MAN2A1: variants seen among roughly 807,000 people sequenced by gnomAD.
MAN2A1 encodes mannosidase alpha class 2A member 1, also known as alpha-mannosidase 2.
In MAN2A1, 76 loss-of-function variants were observed where a neutral mutation model predicts 142.6. That is an observed-to-expected ratio of 0.53 (90% confidence interval 0.44 to 0.65). MAN2A1 has a LOEUF of 0.65. MAN2A1 is among the 30% of genes least tolerant of loss of function. The pLI is 0.00. For missense variants in MAN2A1, 1,311 were observed against 1,365.1 expected (o/e 0.96, Z 0.62); for synonymous variants, 559 against 473.2 (o/e 1.18, Z -2.35).
At chr5:109,779,201 C>G (rs537774825) in intron 8 of MAN2A1, among the ~76,000 whole-genome samples, 1 of 152,172 alleles carries the variant, frequency 6.6e-6, no homozygotes, top group South Asian at 2.1e-4. Flanking sequence ...TTTGAGAAAG[C>G]CTACTAGGCT....
intron 18 of MAN2A1, 81 bp from the exon 19 acceptor site, chr5:109,847,576 C>A: frequency 8.0e-7 from 1 of 1,246,030 alleles, no homozygotes; most frequent in Non-Finnish European, 1.0e-6. Flanking sequence ...TACATCATGA[C>A]TGCTACTTAA....
chr5:109,843,370 AC>A (rs1561539884), intron 17 of MAN2A1, among the ~76,000 whole-genome samples: 1 of 152,110 alleles, frequency 6.6e-6, no homozygotes, highest in Admixed American at 6.5e-5. Context: ...CATGGGGGGA[AC>A]CACCCCCATG....
chr5:109,732,423 A>G (rs945754287), intron 4 of MAN2A1, among the ~76,000 whole-genome samples: 44 of 152,220 alleles, frequency 2.9e-4, no homozygotes, highest in African/African-American at 1.1e-3. Context: ...TGTTTTAGAC[A>G]TGAAGTCCTT....
At position 109,868,596 on chromosome 5, in the gene MAN2A1, A is replaced by G. The variant is rs1459973040; in HGVS notation, c.*1598A>G. 1 of 152,184 alleles carries G rather than the reference A, an allele frequency of 6.6e-6. No homozygotes were observed. Among genetic ancestry groups the G allele is most frequent in the African/African-American group, 2.4e-5 (1 of 41,458 alleles). 9.4% of individuals were successfully genotyped at this position (152,184 alleles called of 1,614,324 possible). On this transcript the variant is annotated 3_prime_UTR_variant, in exon 22 of 22. Coordinates refer to ENST00000261483, the MANE Select transcript of MAN2A1 (RefSeq NM_002372.4). Reference sequence around the variant, plus strand: ...ATTATCATCTGGATTTTCACTCAAGATGCAGCTCCTAAGATTATTGTTATG... The same window carrying G: ...ATTATCATCTGGATTTTCACTCAAGGTGCAGCTCCTAAGATTATTGTTATG...
intron 16 of MAN2A1, among the ~76,000 whole-genome samples, chr5:109,826,785 A>T (rs1472637386): frequency 6.6e-6 from 1 of 152,204 alleles, no homozygotes; most frequent in South Asian, 2.1e-4. Flanking sequence ...GTCTTCAGGG[A>T]TCTGTTATTT....
intron 1 of MAN2A1, among the ~76,000 whole-genome samples, chr5:109,710,322 T>C (rs145221916): frequency 6.6e-6 from 1 of 152,302 alleles, no homozygotes; most frequent in East Asian, 1.9e-4. Flanking sequence ...AAAGCCATAA[T>C]AAAAATATTC....
chr5:109,818,835 A>T (rs1427528714), intron 13 of MAN2A1, among the ~76,000 whole-genome samples: 1 of 152,146 alleles, frequency 6.6e-6, no homozygotes, highest in Non-Finnish European at 1.5e-5. Context: ...CTCTGGATAA[A>T]CTGAGACATG....
chr5:109,713,900 T>A, intron 2 of MAN2A1, 126 bp downstream of exon 2: 1 of 840,400 alleles, frequency 1.2e-6, no homozygotes, highest in Non-Finnish European at 1.8e-6. Flanking sequence ...TCTCTTTTTG[T>A]AAAGTATTTT....
chr5:109,708,509 G>GACAGACACACAC (rs1751203281), intron 1 of MAN2A1, among the ~76,000 whole-genome samples: 1 of 124,542 alleles, frequency 8.0e-6, no homozygotes, highest in African/African-American at 3.1e-5. Context: ...GAACTGATAG[G>GACAGACACACAC]ACACACACAC....
rs749582666 is a variant in MAN2A1 at position 109,867,041 on chromosome 5, C to G, written c.*43C>G. The stretch of plus-strand genomic sequence containing the variant: ...GGATTGAGAATCATTGGCTTTTATA[C>G]CTTTCTTGGTTTGACGTGCAATAAA... On this transcript the variant is annotated 3_prime_UTR_variant, in exon 22 of 22. Transcript: ENST00000261483. 3.5e-5 allele frequency: 54 copies of G among 1,556,700 alleles called. No individual in the cohort carries two copies. The Admixed American group carries it at 9.6e-4, about 28-fold the overall frequency.
intron 12 of MAN2A1, among the ~76,000 whole-genome samples, chr5:109,798,986 C>A (rs1054844258): frequency 6.6e-6 from 1 of 152,124 alleles, no homozygotes; most frequent in Non-Finnish European, 1.5e-5. Flanking sequence ...GCCATCGCAC[C>A]CAGCCTCATT....
At chr5:109,799,904 A>C (rs985087049) in intron 12 of MAN2A1, among the ~76,000 whole-genome samples, 1 of 152,110 alleles carries the variant, frequency 6.6e-6, no homozygotes, top group Non-Finnish European at 1.5e-5. Flanking sequence ...CCTGGCCAAC[A>C]TGGTGAAACC....
intron 3 of MAN2A1, among the ~76,000 whole-genome samples, chr5:109,717,982 A>G (rs1751501298): frequency 6.6e-6 from 1 of 152,176 alleles, no homozygotes; most frequent in Admixed American, 6.5e-5. Context: ...GCTCCCACTT[A>G]ATGTAGGATC....
chr5:109,694,596 G>T (rs1582793021), intron 1 of MAN2A1, among the ~76,000 whole-genome samples: 1 of 151,234 alleles, frequency 6.6e-6, no homozygotes, highest in East Asian at 1.9e-4. Context: ...CTATTCTCCT[G>T]CCTCAGCCTT....
intron 1 of MAN2A1, among the ~76,000 whole-genome samples, chr5:109,713,287 C>T (rs977717301): frequency 6.6e-6 from 1 of 152,090 alleles, no homozygotes; most frequent in Admixed American, 6.5e-5. Context: ...TGTTGCACGT[C>T]TTAAAATATG....
At chr5:109,797,463 C>A (rs774025489) in intron 12 of MAN2A1, among the ~76,000 whole-genome samples, 2 of 151,812 alleles carry the variant, frequency 1.3e-5, no homozygotes, top group South Asian at 2.1e-4. Flanking sequence ...GTAAAGCTGA[C>A]ACTGAAAGAG....
At chr5:109,782,094 C>G (rs1031448060) in intron 9 of MAN2A1, among the ~76,000 whole-genome samples, 2 of 152,112 alleles carry the variant, frequency 1.3e-5, no homozygotes, top group Non-Finnish European at 2.9e-5. Flanking sequence ...CATCTCAGTT[C>G]TTACATACTT....
chr5:109,745,199 C>A (rs1172016336), intron 4 of MAN2A1, among the ~76,000 whole-genome samples: 2 of 151,958 alleles, frequency 1.3e-5, no homozygotes, highest in African/African-American at 2.4e-5. Flanking sequence ...ACAGTTGTCA[C>A]AATTCATGAG....
At chr5:109,861,093 C>G (rs1755743978) in intron 20 of MAN2A1, among the ~76,000 whole-genome samples, 1 of 152,178 alleles carries the variant, frequency 6.6e-6, no homozygotes, top group Non-Finnish European at 1.5e-5. Flanking sequence ...GAGCATGTCT[C>G]CTTTGCTTTC....
Sources: gnomAD v4.1 joint callset for allele counts (sites outside exome capture counted in the v4.1 genomes callset) on GRCh38, gnomAD v4.1.1 for gene constraint, MANE v1.5 for transcripts, NCBI Gene and HGNC (gene_info 2026-07-23, HGNC 2026-07-21) for gene names.